The following REEP1 variants were observed in gnomAD, a reference collection of about 807,000 sequenced individuals.
REEP1 encodes the protein receptor expression-enhancing protein 1.
REEP1 carries 22 observed loss-of-function variants against 40.3 expected under a neutral mutation model. The observed-to-expected ratio is 0.55, with a 90% CI of 0.39 to 0.78. REEP1 has a LOEUF of 0.78. Among genes scored for constraint, REEP1 ranks in the 30% least tolerant of loss-of-function variants. The probability of loss-of-function intolerance (pLI) is 0.00; values close to 1 mark genes in which losing one functional copy is unlikely to be tolerated. For synonymous variants in REEP1, 116 were observed against 139.2 expected (o/e 0.83, Z 1.17); for missense variants, 280 against 361.1 (o/e 0.78, Z 1.82).
chr2:86,263,661 A>T (rs7606188), intron 3 of REEP1, among the ~76,000 whole-genome samples: 132,634 of 152,246 alleles, frequency 0.87, 58,236 homozygotes, highest in East Asian at 0.96. Flanking sequence ...TTGTTCCTTT[A>T]CTTTTTTAAC....
chr2:86,296,659 C>T (rs887932397), intron 1 of REEP1, among the ~76,000 whole-genome samples: 1 of 152,126 alleles, frequency 6.6e-6, no homozygotes, highest in South Asian at 2.1e-4. Context: ...GAGTTTGAAA[C>T]CAGCCTGGCC....
intron 1 of REEP1, among the ~76,000 whole-genome samples, chr2:86,283,692 T>C (rs12472676): frequency 0.33 from 50,705 of 152,154 alleles, 9,628 homozygotes; most frequent in Middle Eastern, 0.45. Flanking sequence ...CTGTTAACTC[T>C]TGACTCACAC....
At chr2:86,313,932 T>C (rs1047327843) in intron 1 of REEP1, among the ~76,000 whole-genome samples, 1 of 152,170 alleles carries the variant, frequency 6.6e-6, no homozygotes, top group African/African-American at 2.4e-5. Flanking sequence ...ATCTCTCTAT[T>C]TAAGTAGATT....
chr2:86,295,835 A>G (rs573141385), intron 1 of REEP1, among the ~76,000 whole-genome samples: 10 of 152,350 alleles, frequency 6.6e-5, no homozygotes, highest in Admixed American at 4.6e-4. Flanking sequence ...CACCGCGCCC[A>G]GCCCACAGCT....
chr2:86,288,256 C>G (rs575886873), intron 1 of REEP1, among the ~76,000 whole-genome samples: 3 of 152,192 alleles, frequency 2.0e-5, no homozygotes, highest in African/African-American at 7.2e-5. Flanking sequence ...CTCCTGACCT[C>G]AGGTGATCCA....
At chr2:86,304,421 G>A (rs781072106) in intron 1 of REEP1, among the ~76,000 whole-genome samples, 12 of 152,004 alleles carry the variant, frequency 7.9e-5, no homozygotes, top group African/African-American at 1.2e-4. Flanking sequence ...ATTTCCAATC[G>A]CAGACTCTCA....
rs57195085 is a variant in REEP1, at chr2:86,297,811, G to T, written c.33-15569C>A. ...CCAGAAGACTCTGGGGGATCTCAGA[G>T]GATGCCTAAGGTCCAGCCTGGGTCC... On this transcript the variant is annotated intron_variant, in intron 1 of 8. Coordinates refer to ENST00000538924, the MANE Select transcript of REEP1 (RefSeq NM_001371279.1). 7.7e-3 allele frequency: 5,330 copies of T among 694,646 alleles called. 229 individuals are homozygous for T. In the African/African-American group the frequency reaches 0.093, roughly 12 times the overall value. 43.0% of individuals were successfully genotyped at this position (694,646 alleles called of 1,614,324 possible).
Position 86,278,052 on chromosome 2 carries a change from C to T in REEP1, c.105+4118G>A, listed in dbSNP as rs149619395. On this transcript the variant is annotated intron_variant, in intron 2 of 8. Transcript: ENST00000538924. ...TGTTATTTGGGGTCTCCTTTGAACA[C>T]CTTACTGGTTCCCTCATTAGTTCAT... 4.7e-4 allele frequency among the ~76,000 whole-genome samples: 72 copies of T among 152,276 alleles called. No individual in the cohort carries two copies. In the East Asian group the frequency reaches 0.012, roughly 26 times the overall value.
intron 1 of REEP1, among the ~76,000 whole-genome samples, chr2:86,320,827 A>G (rs913392807): frequency 1.3e-5 from 2 of 152,198 alleles, no homozygotes; most frequent in African/African-American, 4.8e-5. Context: ...TAAGAAATGA[A>G]GAGACTTTTT....
At position 86,337,545 on chromosome 2, in the gene REEP1, C is replaced by A. The variant is rs759738008; in HGVS notation, c.-35G>T. ...GCGGGCGGGCGAGGCCCGGGCGGCG[C>A]GGCTCGGCTAGGCTGCGGGCGGCGC... On this transcript the variant is annotated 5_prime_UTR_variant, in exon 1 of 9. Transcript: ENST00000538924. The surrounding 1 kb of genome is among the most constrained non-coding windows in gnomAD (Gnocchi z 5.8). The A allele has an allele frequency of 2.5e-5, 31 of 1,222,278 alleles. No individual in the cohort carries two copies. In the African/African-American group the frequency reaches 5.6e-4, roughly 22 times the overall value. 75.7% of individuals were successfully genotyped at this position (1,222,278 alleles called of 1,614,324 possible).
intron 1 of REEP1, among the ~76,000 whole-genome samples, chr2:86,315,835 TC>T (rs1439524348): frequency 6.6e-6 from 1 of 152,130 alleles, no homozygotes; most frequent in Non-Finnish European, 1.5e-5. Context: ...GTCAAACACA[TC>T]CCATGCCCAT....
At position 86,315,113 on chromosome 2, in the gene REEP1, G is replaced by A. The variant is rs1225468036; in HGVS notation, c.32+22366C>T. On this transcript the variant is annotated intron_variant, in intron 1 of 8. Transcript: ENST00000538924. ...GAGACCCTGGAGGGTCTAAGAGGGT[G>A]TATCTAGCTCAGAGTAGCCGGGACT... 2.0e-5 allele frequency among the ~76,000 whole-genome samples: 3 copies of A among 152,172 alleles called. No homozygotes were observed. In the East Asian group the frequency reaches 5.9e-4, roughly 30 times the overall value.
chr2:86,309,124 C>A (rs1679637551), intron 1 of REEP1, among the ~76,000 whole-genome samples: 1 of 152,220 alleles, frequency 6.6e-6, no homozygotes, highest in African/African-American at 2.4e-5. Context: ...AAAAATACCC[C>A]TCGCTGTGGG....
At chr2:86,283,011 C>G (rs543353489) in intron 1 of REEP1, among the ~76,000 whole-genome samples, 3 of 152,270 alleles carry the variant, frequency 2.0e-5, no homozygotes, top group South Asian at 4.2e-4. Flanking sequence ...CTTCCTTCCC[C>G]CTTCTTTATC....
chr2:86,331,757 A>G (rs1680776826), intron 1 of REEP1, among the ~76,000 whole-genome samples: 1 of 152,190 alleles, frequency 6.6e-6, no homozygotes, highest in Admixed American at 6.5e-5. Flanking sequence ...AATCTAGTAA[A>G]TCTGACAATG....
chr2:86,274,698 A>G (rs920643065), intron 2 of REEP1, among the ~76,000 whole-genome samples: 7 of 152,180 alleles, frequency 4.6e-5, no homozygotes, highest in African/African-American at 1.7e-4. Flanking sequence ...GTCAGAATAG[A>G]GAGAGGGAGC....
At chr2:86,242,075 C>T (rs1298368528) in intron 5 of REEP1, among the ~76,000 whole-genome samples, 1 of 152,014 alleles carries the variant, frequency 6.6e-6, no homozygotes, top group Non-Finnish European at 1.5e-5. Flanking sequence ...AGATCATAAT[C>T]AGCCTGAGAT....
chr2:86,337,372 A>C lies in REEP1; in HGVS notation c.32+107T>G. On this transcript the variant is annotated intron_variant, in intron 1 of 8. Coordinates refer to ENST00000538924, the MANE Select transcript of REEP1 (RefSeq NM_001371279.1). The surrounding 1 kb of genome is among the most constrained non-coding windows in gnomAD (Gnocchi z 5.8). The stretch of plus-strand genomic sequence containing the variant: ...CCTGCTAAATTTAGCTGCGCCGGGT[A>C]TTAATAGCCCGAGCCACTGGGACCG... 1.0e-4 allele frequency: 64 copies of C among 613,372 alleles called. No homozygotes were observed. Among genetic ancestry groups the C allele is most frequent in the Middle Eastern group, 6.0e-4 (1 of 1,660 alleles). 38.0% of individuals were successfully genotyped at this position (613,372 alleles called of 1,614,324 possible). A position where few individuals can be genotyped will look rare whatever the true frequency, so the allele number is the denominator to read the frequency against.
chr2:86,219,112 C>G (rs1558865021), intron 8 of REEP1, among the ~76,000 whole-genome samples: 1 of 152,212 alleles, frequency 6.6e-6, no homozygotes, highest in African/African-American at 2.4e-5. Flanking sequence ...GCTGCCAGAA[C>G]TCCATCCACA....
Sources: gnomAD v4.1 joint callset for allele counts (sites outside exome capture counted in the v4.1 genomes callset) on GRCh38, gnomAD v4.1.1 for gene constraint, Gnocchi (gnomAD v3.1) non-coding constraint, MANE v1.5 for transcripts, NCBI Gene and HGNC (gene_info 2026-07-23, HGNC 2026-07-21) for gene names.